The following AK4 variants were observed in gnomAD, a reference collection of about 807,000 sequenced individuals.
AK4 encodes adenylate kinase 4, also known as adenylate kinase 4, mitochondrial.
AK4 carries 13 observed loss-of-function variants against 24.6 expected under a neutral mutation model. The observed-to-expected ratio is 0.53, with a 90% CI of 0.34 to 0.84. AK4 has a LOEUF of 0.84. AK4 is among the 40% of genes least tolerant of loss of function. The pLI, the probability that AK4 is intolerant of heterozygous loss-of-function variation, is 0.01. For missense variants in AK4, 192 were observed against 288.2 expected (o/e 0.67, Z 2.42); for synonymous variants, 88 against 107.0 (o/e 0.82, Z 1.10).
intron 1 of AK4, among the ~76,000 whole-genome samples, chr1:65,185,670 C>T (rs1651073850): frequency 6.9e-6 from 1 of 145,408 alleles, no homozygotes; most frequent in African/African-American, 2.6e-5. Context: ...GTCACCTAGG[C>T]TGGCGTGATC....
intron 1 of AK4, among the ~76,000 whole-genome samples, chr1:65,162,111 C>T (rs765763864): frequency 2.6e-5 from 4 of 152,026 alleles, no homozygotes; most frequent in Non-Finnish European, 4.4e-5. Context: ...GTTAGCTGGA[C>T]GTGGTGGTGC....
intron 1 of AK4, chr1:65,149,114 C>G (rs1320489238): frequency 1.3e-5 from 2 of 152,450 alleles, no homozygotes; most frequent in Non-Finnish European, 2.9e-5. Flanking sequence ...CTTTGAAAGG[C>G]CTGTCTGTTC....
intron 4 of AK4, among the ~76,000 whole-genome samples, chr1:65,225,435 G>A (rs1293803186): frequency 6.6e-6 from 1 of 152,150 alleles, no homozygotes; most frequent in Non-Finnish European, 1.5e-5. Flanking sequence ...TCATTCTAGG[G>A]CACGCAGGCC....
chr1:65,176,296 A>G (rs990321991), intron 1 of AK4, among the ~76,000 whole-genome samples: 6 of 152,140 alleles, frequency 3.9e-5, no homozygotes, highest in Non-Finnish European at 7.3e-5. Context: ...CACTGCCAAC[A>G]CATTTCTGGA....
At chr1:65,159,953 G>A (rs993706809) in intron 1 of AK4, among the ~76,000 whole-genome samples, 1 of 139,762 alleles carries the variant, frequency 7.2e-6, no homozygotes, top group Admixed American at 7.7e-5. Context: ...GGGCAACAGC[G>A]CCGAGACTAT....
chr1:65,153,766 G>A (rs1413752860), intron 1 of AK4, among the ~76,000 whole-genome samples: 2 of 152,160 alleles, frequency 1.3e-5, no homozygotes, highest in Non-Finnish European at 2.9e-5. Context: ...GGAGGTGAAT[G>A]TCCTCATTCA....
chr1:65,211,578 G>C (rs955383597), intron 2 of AK4, among the ~76,000 whole-genome samples: 6 of 152,220 alleles, frequency 3.9e-5, no homozygotes, highest in Admixed American at 1.3e-4. Flanking sequence ...TCTTGAGCAA[G>C]TCACTTCACT....
At chr1:65,212,843 A>G (rs1280528970) in intron 2 of AK4, among the ~76,000 whole-genome samples, 1 of 152,236 alleles carries the variant, frequency 6.6e-6, no homozygotes, top group Non-Finnish European at 1.5e-5. Flanking sequence ...TCCAAGCTTA[A>G]TTAAACTGAG....
chr1:65,166,648 A>G (rs1440090491), intron 1 of AK4, among the ~76,000 whole-genome samples: 2 of 152,084 alleles, frequency 1.3e-5, no homozygotes, highest in Non-Finnish European at 2.9e-5. Context: ...TCCGTTTCCC[A>G]TGTAGCCAGG....
intron 3 of AK4, among the ~76,000 whole-genome samples, chr1:65,224,074 G>A (rs542212128): frequency 6.6e-6 from 1 of 152,264 alleles, no homozygotes; most frequent in African/African-American, 2.4e-5. Context: ...CATTGAGAAA[G>A]AAGCAACACA....
At chr1:65,151,222 C>T (rs920448026) in intron 1 of AK4, among the ~76,000 whole-genome samples, 1 of 152,128 alleles carries the variant, frequency 6.6e-6, no homozygotes, top group Non-Finnish European at 1.5e-5. Context: ...CCGTCTTGGC[C>T]TCCCAAAGTG....
intron 3 of AK4, among the ~76,000 whole-genome samples, chr1:65,222,789 A>G (rs1557470670): frequency 6.6e-6 from 1 of 152,216 alleles, no homozygotes; most frequent in Non-Finnish European, 1.5e-5. Flanking sequence ...TTTCAAATTT[A>G]TAGCCAGTTT....
chr1:65,207,936 C>A (rs752865571), intron 2 of AK4, among the ~76,000 whole-genome samples: 1 of 152,160 alleles, frequency 6.6e-6, no homozygotes, highest in African/African-American at 2.4e-5. Flanking sequence ...ATTTCTTTAT[C>A]CAGTCCATCA....
rs1383068812 is a variant in AK4 at position 65,226,170 on chromosome 1, C to G, written c.665C>G (p.Ala222Gly). The change falls in exon 5 of 5, where the codon GCA (alanine) becomes GGA (glycine). Residue 222 changes from alanine to glycine, a missense_variant. Ala to Gly is a moderately conservative substitution (Grantham distance 60). Coordinates refer to ENST00000327299, the MANE Select transcript of AK4 (RefSeq NM_013410.4). ...NKITPIQSKE[A>G]Y ...ATCACACCTATTCAGTCCAAAGAAG[C>G]ATATTGACCCTGCCCAATGGAAGAA... is the stretch of plus-strand genomic sequence containing the variant. The G allele has an allele frequency of 1.2e-6, 2 of 1,603,098 alleles. No homozygotes were observed. The highest frequency in any genetic ancestry group is 2.7e-5 in the African/African-American group (2 of 74,632).
chr1:65,148,446 G>A lies in AK4; in HGVS notation c.39G>A (p.Pro13=). 1 of 1,565,432 alleles carries A rather than the reference G, an allele frequency of 6.4e-7. No homozygotes were observed. Among genetic ancestry groups the A allele is most frequent in the South Asian group, 1.2e-5 (1 of 85,938 alleles). The change falls in exon 1 of 5, where the codon CCG becomes CCA. Residue 13 remains proline, a synonymous_variant. Coordinates refer to ENST00000327299, the MANE Select transcript of AK4 (RefSeq NM_013410.4). ...TCCTGCGCGCGGTCATCCTCGGGCCGCCCGGCTCGGGCAAGGGCACCGTGT... is the reference window on the plus strand; with the variant it reads ...TCCTGCGCGCGGTCATCCTCGGGCCACCCGGCTCGGGCAAGGGCACCGTGT... ...SKLLRAVILG[P]PGSGKGTVCQ... is the part of the protein sequence containing the mutation.
At chr1:65,221,891 T>C (rs1383706294) in intron 3 of AK4, among the ~76,000 whole-genome samples, 3 of 152,192 alleles carry the variant, frequency 2.0e-5, no homozygotes, top group Non-Finnish European at 4.4e-5. Context: ...GAAGTGGCTA[T>C]GTTGTCTGGG....
chr1:65,165,155 TAGAG>T (rs1204059620), intron 1 of AK4, among the ~76,000 whole-genome samples: 4 of 152,174 alleles, frequency 2.6e-5, no homozygotes, highest in Admixed American at 2.6e-4. Context: ...TTAAGAACAG[TAGAG>T]AGAAGAGTTA....
chr1:65,149,314 T>G (rs534294819), intron 1 of AK4, among the ~76,000 whole-genome samples: 1 of 152,324 alleles, frequency 6.6e-6, no homozygotes, highest in South Asian at 2.1e-4. Context: ...CGTGGTGAAC[T>G]TGGGGATATA....
At chr1:65,222,145 C>T (rs531142069) in intron 3 of AK4, among the ~76,000 whole-genome samples, 3 of 152,250 alleles carry the variant, frequency 2.0e-5, no homozygotes, top group African/African-American at 4.8e-5. Context: ...TTGGATCAGG[C>T]ATGATGTTTA....
Sources: gnomAD v4.1 joint callset for allele counts (sites outside exome capture counted in the v4.1 genomes callset) on GRCh38, gnomAD v4.1.1 for gene constraint, MANE v1.5 for transcripts, NCBI Gene and HGNC (gene_info 2026-07-23, HGNC 2026-07-21) for gene names.